NDST3: variants seen among roughly 807,000 people sequenced by gnomAD.
NDST3 encodes N-deacetylase and N-sulfotransferase 3, also known as bifunctional heparan sulfate N-deacetylase/N-sulfotransferase 3.
A neutral mutation model predicts 96.1 loss-of-function variants in NDST3; 58 were observed. The observed-to-expected ratio is 0.60, with a 90% CI of 0.49 to 0.75. The LOEUF (loss-of-function observed/expected upper bound fraction) is 0.75, where lower values mean the gene tolerates loss of function less well. NDST3 is among the 30% of genes least tolerant of loss of function. The probability of loss-of-function intolerance (pLI) is 0.00; values close to 1 mark genes in which losing one functional copy is unlikely to be tolerated. For synonymous variants in NDST3, 333 were observed against 359.7 expected, an observed-to-expected ratio of 0.93 and a Z score of 0.84; for missense variants, 788 against 1,034.2, an observed-to-expected ratio of 0.76 and a Z score of 3.27.
intron 2 of NDST3, among the ~76,000 whole-genome samples, chr4:118,066,223 ATTATATATATT>A: frequency 1.5e-5 from 1 of 66,440 alleles, no homozygotes; most frequent in Non-Finnish European, 2.7e-5. Context: ...TACATAATAT[ATTATATATATT>A]ATATATTATA....
intron 2 of NDST3, among the ~76,000 whole-genome samples, chr4:118,097,252 T>C (rs1322841908): frequency 6.6e-6 from 1 of 151,968 alleles, no homozygotes; most frequent in Non-Finnish European, 1.5e-5. Context: ...TGAATTCAGA[T>C]GGCCCTTATA....
At chr4:118,065,572 T>C (rs1329951164) in intron 2 of NDST3, among the ~76,000 whole-genome samples, 2 of 152,224 alleles carry the variant, frequency 1.3e-5, no homozygotes, top group South Asian at 2.1e-4. Context: ...AGAGACTGTT[T>C]TGAAAGCCAG....
At chr4:118,227,693 A>G (rs925175312) in intron 8 of NDST3, among the ~76,000 whole-genome samples, 10 of 147,932 alleles carry the variant, frequency 6.8e-5, no homozygotes, top group African/African-American at 2.2e-4. Context: ...CTCACTGCAA[A>G]CTCCGCCTCC....
chr4:118,066,215 C>A (rs1337335053), intron 2 of NDST3, among the ~76,000 whole-genome samples: 1 of 46,220 alleles, frequency 2.2e-5, no homozygotes, highest in African/African-American at 9.5e-5. Flanking sequence ...ATATATTATA[C>A]ATAATATATT....
chr4:118,121,666 C>T (rs1242922676), intron 4 of NDST3, among the ~76,000 whole-genome samples: 6 of 131,934 alleles, frequency 4.5e-5, no homozygotes, highest in Non-Finnish European at 6.8e-5. Context: ...AGTTTTTAAT[C>T]AGATGGATGA....
intron 4 of NDST3, among the ~76,000 whole-genome samples, chr4:118,131,404 A>C (rs924814184): frequency 1.3e-5 from 2 of 151,898 alleles, no homozygotes; most frequent in African/African-American, 4.8e-5. Context: ...TCAGTATGTC[A>C]ATTGCAATTT....
intron 6 of NDST3, among the ~76,000 whole-genome samples, chr4:118,197,161 T>C (rs977921005): frequency 2.1e-5 from 3 of 144,596 alleles, no homozygotes; most frequent in East Asian, 1.9e-4. Context: ...AAAATTCCTC[T>C]TGTTATTGAT....
At chr4:118,054,948 A>C (rs756056101) in intron 2 of NDST3, 57 bp downstream of exon 2, 1 of 1,589,088 alleles carries the variant, frequency 6.3e-7, no homozygotes, top group East Asian at 2.2e-5. Flanking sequence ...CAGGGATACA[A>C]CTATCCCAGT....
At chr4:118,201,965 T>C (rs1248393214) in intron 6 of NDST3, among the ~76,000 whole-genome samples, 1 of 152,140 alleles carries the variant, frequency 6.6e-6, no homozygotes, top group Non-Finnish European at 1.5e-5. Context: ...TTTTTGTATA[T>C]GGTGAAAGGT....
At position 118,034,489 on chromosome 4, in the gene NDST3, A is replaced by C. The variant is rs1024727938; in HGVS notation, c.-259A>C. 1.2e-4 allele frequency: 18 copies of C among 152,284 alleles called. No homozygotes were observed. The highest frequency in any genetic ancestry group is 3.9e-4 in the Admixed American group (6 of 15,290). 9.4% of individuals were successfully genotyped at this position (152,284 alleles called of 1,614,324 possible). On this transcript the variant is annotated 5_prime_UTR_variant, in exon 1 of 14. Transcript: ENST00000296499. ...AGGACTGGTGTTGCTACCACTTGTA[A>C]AGTCAAAAAGCCTGAGCCGATGGTA...
chr4:118,166,523 G>A (rs1182178630), intron 6 of NDST3, among the ~76,000 whole-genome samples: 1 of 151,862 alleles, frequency 6.6e-6, no homozygotes, highest in Non-Finnish European at 1.5e-5. Context: ...AAACGGAATA[G>A]AAGGGAACTC....
At chr4:118,131,480 A>G (rs1327148322) in intron 4 of NDST3, among the ~76,000 whole-genome samples, 2 of 152,130 alleles carry the variant, frequency 1.3e-5, no homozygotes, top group African/African-American at 2.4e-5. Flanking sequence ...TTAATCTGAT[A>G]GAATTCTGAA....
chr4:118,041,185 T>G (rs960340646), intron 1 of NDST3, among the ~76,000 whole-genome samples: 1 of 152,098 alleles, frequency 6.6e-6, no homozygotes, highest in African/African-American at 2.4e-5. Flanking sequence ...GGAAGGATCG[T>G]GTTGCAGTTA....
intron 1 of NDST3, among the ~76,000 whole-genome samples, chr4:118,044,823 G>T (rs1016572399): frequency 6.6e-6 from 1 of 152,112 alleles, no homozygotes; most frequent in African/African-American, 2.4e-5. Flanking sequence ...GCACAAAGGG[G>T]CAAGAGAGCA....
chr4:118,046,880 T>A (rs534127118), intron 1 of NDST3, among the ~76,000 whole-genome samples: 16 of 151,520 alleles, frequency 1.1e-4, no homozygotes, highest in African/African-American at 3.9e-4. Context: ...TTGTCTCCCA[T>A]CTACCTGCTG....
intron 6 of NDST3, among the ~76,000 whole-genome samples, chr4:118,214,553 A>G (rs1338237231): frequency 6.6e-6 from 1 of 152,110 alleles, no homozygotes; most frequent in Non-Finnish European, 1.5e-5. Context: ...ATATATTTTA[A>G]ATTATACACA....
intron 4 of NDST3, among the ~76,000 whole-genome samples, chr4:118,129,135 C>T (rs1278029165): frequency 6.6e-6 from 1 of 151,478 alleles, no homozygotes; most frequent in Admixed American, 6.6e-5. Flanking sequence ...TAGAAAAATC[C>T]TTTTTGTTTC....
At chr4:118,113,544 A>G (rs1300815788) in intron 3 of NDST3, among the ~76,000 whole-genome samples, 2 of 152,190 alleles carry the variant, frequency 1.3e-5, no homozygotes, top group Non-Finnish European at 2.9e-5. Flanking sequence ...AAAGGTTTTC[A>G]ATGCCCACCA....
chr4:118,197,362 G>T (rs551087263), intron 6 of NDST3, among the ~76,000 whole-genome samples: 6 of 108,136 alleles, frequency 5.5e-5, no homozygotes, highest in African/African-American at 2.0e-4. Context: ...ATGTTTCTTT[G>T]TTGATTTTCT....
Sources: gnomAD v4.1 joint callset for allele counts (sites outside exome capture counted in the v4.1 genomes callset) on GRCh38, gnomAD v4.1.1 for gene constraint, MANE v1.5 for transcripts, NCBI Gene and HGNC (gene_info 2026-07-23, HGNC 2026-07-21) for gene names.